NDST3: variants seen among roughly 807,000 people sequenced by gnomAD.
NDST3 encodes the protein N-deacetylase and N-sulfotransferase 3, also known as bifunctional heparan sulfate N-deacetylase/N-sulfotransferase 3.
Under a neutral mutation model 96.1 loss-of-function variants are expected in NDST3, and 58 were observed. The observed-to-expected ratio is 0.60, with a 90% CI of 0.49 to 0.75. The LOEUF (loss-of-function observed/expected upper bound fraction) is 0.75. NDST3 is among the 30% of genes least tolerant of loss of function. NDST3 has a pLI of 0.00. For missense variants in NDST3, 788 were observed against 1,034.2 expected (o/e 0.76, Z 3.27); for synonymous variants, 333 against 359.7 (o/e 0.93, Z 0.84).
rs576354911 is a variant in NDST3 at position 118,084,322 on chromosome 4, TTTTG to T, written c.982-20692_982-20689del. ...TATCTATATGTATCCCATAACATCA[TTTTG>T]TTTATCTTAATTATACATGATAAAA... is the stretch of plus-strand genomic sequence containing the variant. On this transcript the variant is annotated intron_variant, in intron 2 of 13. Coordinates refer to ENST00000296499, the MANE Select transcript of NDST3 (RefSeq NM_004784.3). Among the ~76,000 whole-genome samples, 367 of 152,342 alleles carry T rather than the reference TTTTG, an allele frequency of 2.4e-3. 2 individuals carry two copies. The highest frequency in any genetic ancestry group is 8.4e-3 in the African/African-American group (349 of 41,574).
intron 6 of NDST3, among the ~76,000 whole-genome samples, chr4:118,190,416 A>C (rs1326989578): frequency 6.6e-6 from 1 of 152,204 alleles, no homozygotes; most frequent in East Asian, 1.9e-4. Flanking sequence ...TTTTATGTCT[A>C]TGTGTTAATT....
Position 118,211,021 on chromosome 4 carries a change from A to G in NDST3, c.1540-13470A>G, listed in dbSNP as rs1738757589. 2.6e-5 allele frequency among the ~76,000 whole-genome samples: 4 copies of G among 152,306 alleles called. No individual in the cohort carries two copies. The South Asian group carries it at 8.3e-4, about 32-fold the overall frequency. ...GGATCAGAAACCTCAGTAAGCAAGT[A>G]GAGTAAAATCACCCACTGGAGAACA... On this transcript the variant is annotated intron_variant, in intron 6 of 13. Coordinates refer to ENST00000296499, the MANE Select transcript of NDST3 (RefSeq NM_004784.3).
intron 1 of NDST3, among the ~76,000 whole-genome samples, chr4:118,045,993 A>C (rs1724740396): frequency 1.3e-5 from 2 of 151,992 alleles, no homozygotes; most frequent in Admixed American, 1.3e-4. Flanking sequence ...TAGATGCAGC[A>C]AAGAAGTGCT....
At chr4:118,221,281 G>A (rs1001613293) in intron 6 of NDST3, among the ~76,000 whole-genome samples, 1 of 151,994 alleles carries the variant, frequency 6.6e-6, no homozygotes, top group African/African-American at 2.4e-5. Context: ...TTAAAAGAAT[G>A]AGCAGCATAT....
chr4:118,216,326 G>T (rs1049369480), intron 6 of NDST3, among the ~76,000 whole-genome samples: 1 of 152,036 alleles, frequency 6.6e-6, no homozygotes, highest in African/African-American at 2.4e-5. Context: ...TGAGCTGCTA[G>T]AAAGAAATTG....
chr4:118,195,675 A>T (rs1204107001), intron 6 of NDST3, among the ~76,000 whole-genome samples: 2 of 152,258 alleles, frequency 1.3e-5, no homozygotes, highest in African/African-American at 4.8e-5. Context: ...TAGCATATAC[A>T]AATGCTACTG....
At chr4:118,159,767 C>G (rs1163470495) in intron 6 of NDST3, among the ~76,000 whole-genome samples, 1 of 151,986 alleles carries the variant, frequency 6.6e-6, no homozygotes, top group Admixed American at 6.6e-5. Flanking sequence ...AATAAAATAA[C>G]TGAAGTGAAA....
chr4:118,159,805 C>G (rs1289381178), intron 6 of NDST3, among the ~76,000 whole-genome samples: 1 of 152,030 alleles, frequency 6.6e-6, no homozygotes, highest in Non-Finnish European at 1.5e-5. Flanking sequence ...TAATAGCAAA[C>G]ATGATTAAGC....
chr4:118,192,994 G>A (rs1737412595), intron 6 of NDST3, among the ~76,000 whole-genome samples: 2 of 152,224 alleles, frequency 1.3e-5, no homozygotes, highest in South Asian at 2.1e-4. Flanking sequence ...GGCCACATTT[G>A]GAAATGGACT....
chr4:118,060,329 G>C (rs1725795841), intron 2 of NDST3, among the ~76,000 whole-genome samples: 1 of 151,884 alleles, frequency 6.6e-6, no homozygotes, highest in Non-Finnish European at 1.5e-5. Flanking sequence ...CTTTATTAAT[G>C]TTGTTTTGCC....
intron 10 of NDST3, among the ~76,000 whole-genome samples, chr4:118,240,075 C>G (rs1372004550): frequency 6.6e-6 from 1 of 151,602 alleles, no homozygotes; most frequent in South Asian, 2.1e-4. Context: ...AGCTGATAGG[C>G]CTTTTCTAAT....
At chr4:118,198,281 T>C (rs552981382) in intron 6 of NDST3, among the ~76,000 whole-genome samples, 13 of 152,326 alleles carry the variant, frequency 8.5e-5, no homozygotes, top group African/African-American at 1.9e-4. Context: ...GTAATTTTCA[T>C]TGGTGATATG....
chr4:118,068,488 A>C (rs148671515), intron 2 of NDST3, among the ~76,000 whole-genome samples: 265 of 152,212 alleles, frequency 1.7e-3, no homozygotes, highest in African/African-American at 6.1e-3. Flanking sequence ...GCATTTAATC[A>C]CTTATCAATA....
intron 1 of NDST3, among the ~76,000 whole-genome samples, chr4:118,043,390 A>C (rs898745183): frequency 2.0e-5 from 3 of 152,248 alleles, no homozygotes; most frequent in African/African-American, 7.2e-5. Context: ...GAAAGGTACT[A>C]TCTCTACCCT....
chr4:118,106,525 A>G (rs1404953009), intron 3 of NDST3, among the ~76,000 whole-genome samples: 2 of 151,540 alleles, frequency 1.3e-5, no homozygotes, highest in Non-Finnish European at 2.9e-5. Flanking sequence ...TTTCTTGTAG[A>G]GAAGGGGTCT....
At chr4:118,156,691 A>C (rs868125458) in intron 6 of NDST3, among the ~76,000 whole-genome samples, 3 of 152,232 alleles carry the variant, frequency 2.0e-5, no homozygotes, top group Admixed American at 6.5e-5. Context: ...AGTTTATGAG[A>C]ATATGCTCAG....
intron 2 of NDST3, among the ~76,000 whole-genome samples, chr4:118,076,515 A>G (rs1727546664): frequency 6.6e-6 from 1 of 152,144 alleles, no homozygotes; most frequent in African/African-American, 2.4e-5. Context: ...CTGTAATTTT[A>G]TCTGACTGAG....
chr4:118,102,883 T>C (rs1299894093), intron 2 of NDST3, among the ~76,000 whole-genome samples: 1 of 152,132 alleles, frequency 6.6e-6, no homozygotes, highest in Non-Finnish European at 1.5e-5. Flanking sequence ...GTATCTGCCA[T>C]CTGTTTCAAT....
intron 6 of NDST3, among the ~76,000 whole-genome samples, chr4:118,170,064 C>T (rs1180576077): frequency 6.6e-6 from 1 of 152,148 alleles, no homozygotes; most frequent in Non-Finnish European, 1.5e-5. Flanking sequence ...GCCTTGGATT[C>T]AGAAGTCACA....
Sources: gnomAD v4.1 joint callset for allele counts (sites outside exome capture counted in the v4.1 genomes callset) on GRCh38, gnomAD v4.1.1 for gene constraint, MANE v1.5 for transcripts, NCBI Gene and HGNC (gene_info 2026-07-23, HGNC 2026-07-21) for gene names.